The following ALDH3B1 variants were observed in gnomAD, a reference collection of about 807,000 sequenced individuals.
ALDH3B1 encodes the protein aldehyde dehydrogenase 3 family member B1.
Under a neutral mutation model 46.2 loss-of-function variants are expected in ALDH3B1, and 37 were observed. That is an observed-to-expected ratio of 0.80 (90% CI 0.62 to 1.05). The LOEUF is 1.05. Ranked by LOEUF, ALDH3B1 falls within the 50% of genes least tolerant of loss-of-function variation. The probability of loss-of-function intolerance (pLI) is 0.00; values close to 1 mark genes in which losing one functional copy is unlikely to be tolerated. For missense variants in ALDH3B1, 603 were observed against 665.5 expected (o/e 0.91, Z 1.03); for synonymous variants, 283 against 281.0 (o/e 1.01, Z -0.07).
chr11:68,021,779 T>C lies in ALDH3B1; in HGVS notation c.857T>C (p.Ile286Thr), dbSNP rs1420880429. The C allele has an allele frequency of 6.2e-7, 1 of 1,614,036 alleles. No individual in the cohort carries two copies. Among genetic ancestry groups the C allele is most frequent in the Non-Finnish European group, 8.5e-7 (1 of 1,180,020 alleles). The change falls in exon 7 of 10, where the codon ATC becomes ACC. Residue 286 changes from isoleucine to threonine, a missense_variant. Transcript: ENST00000342456. The stretch of plus-strand genomic sequence containing the variant: ...AGCTCCCCAAACCTGGGCCGCATCA[T>C]CAACCAGAAACAGTTCCAGCGGCTG... The part of the protein sequence containing the change: ...PQSSPNLGRI[I>T]NQKQFQRLRA...
chr11:68,011,788 G>A (rs1857236171), intron 1 of ALDH3B1, among the ~76,000 whole-genome samples: 2 of 152,138 alleles, frequency 1.3e-5, no homozygotes, highest in African/African-American at 2.4e-5. Context: ...GCCCCTTCAG[G>A]CCCCTGCCCC....
At chr11:68,021,208 G>A (rs564017048) in intron 6 of ALDH3B1, among the ~76,000 whole-genome samples, 6 of 152,242 alleles carry the variant, frequency 3.9e-5, no homozygotes, top group Admixed American at 3.3e-4. Context: ...AAGCAGAGGC[G>A]GGAGGAGCCA....
chr11:68,028,017 G>A lies in ALDH3B1; in HGVS notation c.*78G>A, dbSNP rs541303778. The A allele has an allele frequency of 5.2e-5, 80 of 1,544,488 alleles. No homozygotes were observed. In the East Asian group the frequency reaches 1.0e-3, roughly 20 times the overall value. ...TGGTGGAGACGGGGCCTGGGCTCCCGGGCCCGAGGAGGAAAAGGATTGCCA... is the reference window on the plus strand; with the variant it reads ...TGGTGGAGACGGGGCCTGGGCTCCCAGGCCCGAGGAGGAAAAGGATTGCCA... On this transcript the variant is annotated 3_prime_UTR_variant, in exon 10 of 10. Transcript: ENST00000342456.
intron 2 of ALDH3B1, 95 bp downstream of exon 2, chr11:68,015,554 A>G (rs1220556404): frequency 6.6e-7 from 1 of 1,506,316 alleles, no homozygotes; most frequent in Non-Finnish European, 9.0e-7. Flanking sequence ...TGCGCCCTCC[A>G]TGAAGCGGGG....
At chr11:68,019,939 C>T (rs1212395129) in intron 6 of ALDH3B1, 143 bp downstream of exon 6, 2 of 864,102 alleles carry the variant, frequency 2.3e-6, no homozygotes, top group Non-Finnish European at 3.6e-6. Context: ...CAGTCCTGGA[C>T]CCCCAGGACC....
At chr11:68,023,904 G>A (rs559231176) in intron 8 of ALDH3B1, among the ~76,000 whole-genome samples, 6 of 151,470 alleles carry the variant, frequency 4.0e-5, no homozygotes, top group Non-Finnish European at 5.9e-5. Flanking sequence ...GATTAGTTGC[G>A]CATAGTGGCG....
At chr11:68,012,187 G>A (rs1034573243) in intron 1 of ALDH3B1, among the ~76,000 whole-genome samples, 19 of 152,152 alleles carry the variant, frequency 1.2e-4, no homozygotes, top group African/African-American at 4.6e-4. Context: ...GCCCAGGGAC[G>A]GTCCCTGCTG....
intron 9 of ALDH3B1, 140 bp from the exon 10 acceptor site, chr11:68,027,609 C>A (rs1056246896): frequency 2.2e-6 from 2 of 921,786 alleles, no homozygotes; most frequent in African/African-American, 1.7e-5. Flanking sequence ...AAGCCCTTTA[C>A]ACACAGTGCC....
intron 6 of ALDH3B1, 117 bp downstream of exon 6, chr11:68,019,913 TGGACCAGG>T: frequency 9.1e-7 from 1 of 1,097,498 alleles, no homozygotes; most frequent in Non-Finnish European, 1.3e-6. Flanking sequence ...TCTCTCTCTC[TGGACCAGG>T]CTGGGAGCAG....
At chr11:68,019,612 C>T (rs1565136429) in intron 5 of ALDH3B1, 103 bp from the exon 6 acceptor site, 14 of 1,320,550 alleles carry the variant, frequency 1.1e-5, no homozygotes, top group Non-Finnish European at 1.5e-5. Flanking sequence ...CTGGGTCAGG[C>T]CAGGCGGGGT....
At position 68,022,667 on chromosome 11, in the gene ALDH3B1, C is replaced by G. The variant is rs758796664; in HGVS notation, c.1022C>G (p.Pro341Arg). Residue 341 changes from proline to arginine, a missense_variant, in exon 8 of 10, where the codon CCC becomes CGC. Pro to Arg is a moderately radical substitution (Grantham distance 103). Transcript: ENST00000342456. ...GAGGAGATCTTCGGGCCCATCCTGC[C>G]CATCGTGAACGTGCAGAGCTTGGAC... is the stretch of plus-strand genomic sequence containing the variant. ...MQEEIFGPIL[P>R]IVNVQSLDEA... 1.5e-5 allele frequency: 24 copies of G among 1,614,124 alleles called. No individual in the cohort carries two copies. The East Asian group carries it at 5.3e-4, about 36-fold the overall frequency.
At chr11:68,017,895 C>T (rs1358732497) in intron 2 of ALDH3B1, 2 of 152,288 alleles carry the variant, frequency 1.3e-5, no homozygotes, top group Admixed American at 6.5e-5. Flanking sequence ...AAACAAAACC[C>T]TAAGTCAGAT....
At chr11:68,018,713 G>A (rs1054296261) in intron 3 of ALDH3B1, 60 bp from the exon 4 acceptor site, 29 of 1,548,858 alleles carry the variant, frequency 1.9e-5, no homozygotes, top group Non-Finnish European at 2.5e-5. Flanking sequence ...CTGGGTGGGA[G>A]CTGGCTGCTG....
chr11:68,018,488 G>A (rs1029763249), intron 2 of ALDH3B1, 39 bp from the exon 3 acceptor site: 1 of 1,502,390 alleles, frequency 6.7e-7, no homozygotes, highest in Non-Finnish European at 9.0e-7. Context: ...GCCAACTCTG[G>A]GAATCCTGGC....
In ALDH3B1 at chr11:68,022,701, C is replaced by T. The variant is rs544694329; in HGVS notation, c.1056C>T (p.Ile352=). The T allele has an allele frequency of 9.3e-6, 15 of 1,614,176 alleles. No individual in the cohort carries two copies. The highest frequency in any genetic ancestry group is 7.7e-5 in the South Asian group (7 of 91,080). The change falls in exon 8 of 10, where the codon ATC becomes ATT. Residue 352 remains isoleucine, a synonymous_variant. Transcript: ENST00000342456. ...IVNVQSLDEA[I]EFINRREKPL... ...ACGTGCAGAGCTTGGACGAGGCCATCGAGTTCATCAACCGGCGGGAGAAGC... is the reference window on the plus strand; with the variant it reads ...ACGTGCAGAGCTTGGACGAGGCCATTGAGTTCATCAACCGGCGGGAGAAGC...
At chr11:68,011,618 C>A (rs930742008) in intron 1 of ALDH3B1, among the ~76,000 whole-genome samples, 3 of 152,188 alleles carry the variant, frequency 2.0e-5, no homozygotes, top group Non-Finnish European at 4.4e-5. Context: ...GCCTGTGGGT[C>A]CCCTGAAGTT....
chr11:68,026,201 C>T, intron 9 of ALDH3B1, 93 bp downstream of exon 9: 1 of 1,134,070 alleles, frequency 8.8e-7, no homozygotes, highest in Non-Finnish European at 1.2e-6. Context: ...CCCAGCCCCA[C>T]CTCAATGTAG....
intron 2 of ALDH3B1, chr11:68,015,917 T>C (rs1247289444): frequency 3.4e-6 from 1 of 292,742 alleles, no homozygotes; most frequent in Non-Finnish European, 6.8e-6. Flanking sequence ...AATACAAAAA[T>C]TAGCTGGATG....
intron 2 of ALDH3B1, chr11:68,017,443 C>G (rs1477937633): frequency 6.5e-6 from 1 of 152,802 alleles, no homozygotes; most frequent in Non-Finnish European, 1.5e-5. Context: ...ACCCCACTGG[C>G]CCGTCCCCCT....
Sources: gnomAD v4.1 joint callset for allele counts (sites outside exome capture counted in the v4.1 genomes callset) on GRCh38, gnomAD v4.1.1 for gene constraint, MANE v1.5 for transcripts, NCBI Gene and HGNC (gene_info 2026-07-23, HGNC 2026-07-21) for gene names.